SETD2: variants seen among roughly 807,000 people sequenced by gnomAD.
The protein encoded by SETD2 is SET domain containing 2, histone lysine methyltransferase, also known as histone-lysine N-methyltransferase SETD2.
In SETD2, 31 loss-of-function variants were observed where a neutral mutation model predicts 242.1. That is an observed-to-expected ratio of 0.13 (90% CI 0.10 to 0.17). The LOEUF is 0.17. SETD2 is among the 10% of genes least tolerant of loss of function. The pLI, the probability that SETD2 is intolerant of heterozygous loss-of-function variation, is 1.00. For synonymous variants in SETD2, 1,006 were observed against 1,066.5 expected (o/e 0.94, Z 1.11); for missense variants, 2,481 against 3,046.3 (o/e 0.81, Z 4.37).
In SETD2 at chr3:47,113,876, G is replaced by C. The variant is rs750924110; in HGVS notation, c.4715C>G (p.Ser1572Trp). The C allele has an allele frequency of 6.2e-7, 1 of 1,604,246 alleles. No homozygotes were observed. Among genetic ancestry groups the C allele is most frequent in the South Asian group, 1.1e-5 (1 of 89,824 alleles). Residue 1572 changes from serine to tryptophan, a missense_variant and splice_region_variant, in exon 5 of 21, where the codon TCG becomes TGG. Physicochemically the swap from Ser to Trp is radical, Grantham distance 177. Transcript: ENST00000409792. Reference protein sequence around the residue: ...WGLRAAKDLPSNTFVLEYCGE... With the variant: ...WGLRAAKDLPWNTFVLEYCGE... The stretch of plus-strand genomic sequence containing the variant: ...GAAAGGTAATTAAAAAAGAACTTAC[G>C]AAGGAAGGTCTTTGGCAGCTCTCAA...
intron 1 of SETD2, among the ~76,000 whole-genome samples, chr3:47,130,037 A>C (rs564585029): frequency 1.1e-4 from 17 of 152,328 alleles, no homozygotes; most frequent in African/African-American, 4.1e-4. Flanking sequence ...GTTGCTGCCC[A>C]AAGTTGGACA....
chr3:47,150,121 C>A (rs1215968168), intron 1 of SETD2, among the ~76,000 whole-genome samples: 3 of 149,236 alleles, frequency 2.0e-5, no homozygotes, highest in Admixed American at 6.9e-5. Context: ...CCTCTGCCTC[C>A]TGGGTTCAAG....
intron 1 of SETD2, among the ~76,000 whole-genome samples, chr3:47,134,167 T>TATAC (rs149042154): frequency 6.6e-6 from 1 of 152,286 alleles, no homozygotes; most frequent in African/African-American, 2.4e-5. Flanking sequence ...CATCCTACAC[T>TATAC]ATACCTCATG....
At chr3:47,050,442 C>T (rs963802692) in intron 15 of SETD2, among the ~76,000 whole-genome samples, 24 of 152,138 alleles carry the variant, frequency 1.6e-4, no homozygotes, top group Admixed American at 1.2e-3. Context: ...AACGCCATTG[C>T]ATGGCACATG....
rs2107746825 is a variant in SETD2 at position 47,120,859 on chromosome 3, A to G, written c.3777T>C (p.Gly1259=). 1.2e-6 allele frequency: 2 copies of G among 1,614,200 alleles called. No individual in the cohort carries two copies. Among genetic ancestry groups the G allele is most frequent in the Non-Finnish European group, 8.5e-7 (1 of 1,180,040 alleles). The change falls in exon 3 of 21, where the codon GGT becomes GGC. Residue 1259 remains glycine, a synonymous_variant. Coordinates refer to ENST00000409792, the MANE Select transcript of SETD2 (RefSeq NM_014159.7). Reference sequence around the variant, plus strand: ...AAGGCTTTTCTTGAGAGAAGTCCCAACCTAAGTTTCTGAGCTCTTCTGATG... The same window carrying G: ...AAGGCTTTTCTTGAGAGAAGTCCCAGCCTAAGTTTCTGAGCTCTTCTGATG... The part of the protein sequence containing the change: ...LHSSEELRNL[G]WDFSQEKPST...
At chr3:47,034,872 G>C (rs868461304) in intron 18 of SETD2, among the ~76,000 whole-genome samples, 3 of 152,254 alleles carry the variant, frequency 2.0e-5, no homozygotes, top group Admixed American at 6.5e-5. Context: ...TAACCAAAAT[G>C]TGAAAGAGTG....
In SETD2 at chr3:47,120,633, G is replaced by C. The variant is rs1216047088; in HGVS notation, c.4003C>G (p.Arg1335Gly). The C allele has an allele frequency of 1.2e-6, 2 of 1,613,948 alleles. No individual in the cohort carries two copies. Among genetic ancestry groups the C allele is most frequent in the East Asian group, 2.2e-5 (1 of 44,886 alleles). Reference protein sequence around the residue: ...GQVPDSLTDDREEEENWDQQD... With the variant: ...GQVPDSLTDDGEEEENWDQQD... ...TGATCCCAATTCTCCTCTTCTTCAC[G>C]ATCATCTGTTAGGGAATCTGGTACT... Residue 1335 changes from arginine (R) to glycine (G), a missense_variant, in exon 3 of 21, where the codon CGT becomes GGT. Transcript: ENST00000409792.
rs2106699905 is a variant in SETD2, at chr3:47,123,282, C to A, written c.1354G>T (p.Asp452Tyr). Reference sequence around the variant, plus strand: ...TCAGAACTCTCTCGTGCTCTGTTATCTGTGTATGGCCGAGAATAGCGCGTC... The same window carrying A: ...TCAGAACTCTCTCGTGCTCTGTTATATGTGTATGGCCGAGAATAGCGCGTC... ...ERTRYSRPYT[D>Y]NRARESSDSE... The change falls in exon 3 of 21, where the codon GAT becomes TAT. Residue 452 changes from aspartate to tyrosine, a missense_variant. By Grantham distance (160) the Asp-to-Tyr change is radical (BLOSUM62 -3). Coordinates refer to ENST00000409792, the MANE Select transcript of SETD2 (RefSeq NM_014159.7). The A allele has an allele frequency of 6.4e-7, 1 of 1,552,146 alleles. No individual in the cohort carries two copies. Among genetic ancestry groups the A allele is most frequent in the Middle Eastern group, 1.7e-4 (1 of 5,994 alleles).
At chr3:47,048,099 A>G (rs1180759227) in intron 15 of SETD2, among the ~76,000 whole-genome samples, 2 of 152,126 alleles carry the variant, frequency 1.3e-5, no homozygotes, top group African/African-American at 4.8e-5. Flanking sequence ...CAGTATAAAA[A>G]TTTTTTAGGC....
rs2043206924 is a variant in SETD2, at chr3:47,123,756, C to T, written c.880G>A (p.Asp294Asn). 6.5e-7 allele frequency: 1 copy of T among 1,548,944 alleles called. No individual in the cohort carries two copies. Among genetic ancestry groups the T allele is most frequent in the African/African-American group, 1.4e-5 (1 of 72,822 alleles). Reference protein sequence around the residue: ...SHIGKDEEIPDSSKISLSCKK... With the variant: ...SHIGKDEEIPNSSKISLSCKK... Reference sequence around the variant, plus strand: ...CAGCTCAGACTAATCTTAGAACTATCTGGAATTTCTTCATCCTTCCCAATA... The same window carrying T: ...CAGCTCAGACTAATCTTAGAACTATTTGGAATTTCTTCATCCTTCCCAATA... Residue 294 changes from aspartate (D) to asparagine (N), a missense_variant, in exon 3 of 21, where the codon GAT becomes AAT. Coordinates refer to ENST00000409792, the MANE Select transcript of SETD2 (RefSeq NM_014159.7).
chr3:47,137,351 C>T (rs903313052), intron 1 of SETD2, among the ~76,000 whole-genome samples: 4 of 151,888 alleles, frequency 2.6e-5, no homozygotes, highest in Non-Finnish European at 5.9e-5. Flanking sequence ...CACCACCACA[C>T]CCAGCTAATT....
intron 13 of SETD2, chr3:47,064,736 G>A: frequency 5.2e-6 from 1 of 190,774 alleles, no homozygotes; most frequent in Non-Finnish European, 1.1e-5. Context: ...ATTAAGAAAT[G>A]GAAACCAGGC....
intron 8 of SETD2, among the ~76,000 whole-genome samples, chr3:47,099,823 A>G (rs1172645808): frequency 6.6e-6 from 1 of 152,202 alleles, no homozygotes; most frequent in Non-Finnish European, 1.5e-5. Flanking sequence ...TCTTCTCATC[A>G]ACTATTTGGT....
intron 1 of SETD2, among the ~76,000 whole-genome samples, chr3:47,152,290 T>C (rs2044003667): frequency 6.6e-6 from 1 of 152,190 alleles, no homozygotes; most frequent in Non-Finnish European, 1.5e-5. Flanking sequence ...ACAGAACCAG[T>C]ACCATAAAAT....
At chr3:47,059,612 G>C (rs2040249083) in intron 14 of SETD2, among the ~76,000 whole-genome samples, 1 of 151,042 alleles carries the variant, frequency 6.6e-6, no homozygotes, top group South Asian at 2.1e-4. Flanking sequence ...TAGAGATGGG[G>C]TTTCACCATA....
chr3:47,048,911 C>T (rs570041673), intron 15 of SETD2, among the ~76,000 whole-genome samples: 3 of 151,978 alleles, frequency 2.0e-5, no homozygotes, highest in South Asian at 2.1e-4. Flanking sequence ...TGTGATCTGC[C>T]CACCTCAGCC....
chr3:47,123,307 C>T lies in SETD2; in HGVS notation c.1329G>A (p.Arg443=), dbSNP rs890436153. Residue 443 remains arginine (R), a synonymous_variant, in exon 3 of 21, where the codon AGG becomes AGA. Coordinates refer to ENST00000409792, the MANE Select transcript of SETD2 (RefSeq NM_014159.7). ...CTGTGTATGGCCGAGAATAGCGCGT[C>T]CTCTCTCGATAAGGGGAGCTCCTAT... ...RYHRSSPYRE[R]TRYSRPYTDN... is the part of the protein sequence containing the mutation. 1.3e-6 allele frequency: 2 copies of T among 1,551,628 alleles called. No homozygotes were observed. The highest frequency in any genetic ancestry group is 2.0e-5 in the Admixed American group (1 of 50,976).
chr3:47,103,391 A>T lies in SETD2; in HGVS notation c.4872T>A (p.Ser1624=), dbSNP rs75763513. 1.8e-3 allele frequency: 2,925 copies of T among 1,613,314 alleles called. 50 individuals are homozygous for T. The African/African-American group carries it at 0.036, about 20-fold the overall frequency. ...IIDATQKGNC[S]RFMNHSCEPN... ...GTTCACAGCTGTGATTCATGAAACGAGAGCAATTTCCTTTTTGAGTGGCAT... is the reference window on the plus strand; with the variant it reads ...GTTCACAGCTGTGATTCATGAAACGTGAGCAATTTCCTTTTTGAGTGGCAT... The change falls in exon 7 of 21, where the codon TCT becomes TCA. Residue 1624 remains serine, a synonymous_variant. Coordinates refer to ENST00000409792, the MANE Select transcript of SETD2 (RefSeq NM_014159.7).
chr3:47,130,426 G>C (rs1438802600), intron 1 of SETD2, among the ~76,000 whole-genome samples: 1 of 152,170 alleles, frequency 6.6e-6, no homozygotes, highest in South Asian at 2.1e-4. Context: ...AGTCTTCTTG[G>C]GTAGGAGACC....
Sources: allele counts gnomAD v4.1 joint callset (sites outside exome capture counted in the v4.1 genomes callset), GRCh38; gene constraint gnomAD v4.1.1; transcripts MANE v1.5; gene names NCBI Gene and HGNC (gene_info 2026-07-23, HGNC 2026-07-21).